Variants in IL1RAPL2 observed in about 807,000 individuals in gnomAD.
IL1RAPL2 encodes interleukin 1 receptor accessory protein like 2, also known as X-linked interleukin-1 receptor accessory protein-like 2.
In IL1RAPL2, 3 loss-of-function variants were observed where a neutral mutation model predicts 44.1. The observed-to-expected ratio is 0.07, with a 90% CI of 0.03 to 0.18. The LOEUF is 0.18. Ranked by LOEUF, IL1RAPL2 falls within the 10% of genes least tolerant of loss-of-function variation. The pLI is 1.00. For missense variants in IL1RAPL2, 391 were observed against 496.4 expected (o/e 0.79, Z 2.02); for synonymous variants, 181 against 178.8 (o/e 1.01, Z -0.10).
intron 1 of IL1RAPL2, among the ~76,000 whole-genome samples, chrX:104,615,993 T>C (rs147748574): frequency 0.011 from 1,271 of 112,453 alleles, 6 homozygotes; most frequent in Non-Finnish European, 0.018. Context: ...GTTGAGCTTT[T>C]TTTCATATGT....
intron 2 of IL1RAPL2, among the ~76,000 whole-genome samples, chrX:104,938,492 T>C (rs1369542842): frequency 8.9e-6 from 1 of 111,739 alleles, no homozygotes; most frequent in African/African-American, 3.2e-5. Context: ...AATGTACAAA[T>C]ATCTTCAATA....
At chrX:104,650,025 A>G (rs947560834) in intron 1 of IL1RAPL2, among the ~76,000 whole-genome samples, 3 of 111,851 alleles carry the variant, frequency 2.7e-5, no homozygotes, top group Non-Finnish European at 5.7e-5. Context: ...TGATACTCCA[A>G]TGAGAGGAAT....
intron 2 of IL1RAPL2, among the ~76,000 whole-genome samples, chrX:105,006,811 C>A (rs2147738856): frequency 9.0e-6 from 1 of 111,478 alleles, no homozygotes; most frequent in South Asian, 3.7e-4. Context: ...TTACCATCAT[C>A]TCTACCACCA....
At chrX:105,042,200 T>C (rs1602915579) in intron 2 of IL1RAPL2, among the ~76,000 whole-genome samples, 1 of 109,702 alleles carries the variant, frequency 9.1e-6, no homozygotes, top group Admixed American at 9.7e-5. Context: ...CCAAAAGCAA[T>C]GGCAACAAAA....
rs954492714 is a variant in IL1RAPL2, at chrX:105,090,291, C to T, written c.83-105184C>T. 6.3e-5 allele frequency among the ~76,000 whole-genome samples: 7 copies of T among 111,515 alleles called. No individual in the cohort carries two copies. The Admixed American group carries it at 6.7e-4, about 11-fold the overall frequency. ...CCCACAGTCACTGCTCTGTAGAACC[C>T]ACATATATGAAAAGTTGGCCCTCTG... On this transcript the variant is annotated intron_variant, in intron 2 of 10. Transcript: ENST00000372582.
intron 6 of IL1RAPL2, among the ~76,000 whole-genome samples, chrX:105,521,159 T>A (rs182148747): frequency 0.012 from 1,282 of 103,811 alleles, 19 homozygotes; most frequent in African/African-American, 0.043. Flanking sequence ...TGAACCAGGA[T>A]GGTCACGATC....
intron 6 of IL1RAPL2, among the ~76,000 whole-genome samples, chrX:105,574,455 C>T (rs2037036606): frequency 9.0e-6 from 1 of 111,590 alleles, no homozygotes; most frequent in Non-Finnish European, 1.9e-5. Context: ...TCTTTAGTCT[C>T]TCAGGTCACT....
chrX:105,000,263 A>G (rs1313394721), intron 2 of IL1RAPL2, among the ~76,000 whole-genome samples: 1 of 112,225 alleles, frequency 8.9e-6, no homozygotes, highest in Non-Finnish European at 1.9e-5. Flanking sequence ...TGTTACTACT[A>G]TGGAATTGTA....
Position 105,767,248 on chromosome X carries a change from A to G in IL1RAPL2, c.1648A>G (p.Lys550Glu). Residue 550 changes from lysine to glutamate, a missense_variant, in exon 11 of 11, where the codon AAG becomes GAG. Around this residue, in one of 2 missense-constraint regions of IL1RAPL2, gnomAD observed 232 missense variants for 244.8 expected, o/e 0.95. Transcript: ENST00000372582. ...KSSKLNSKFW[K>E]HLVYEMPIKK... ...CAGCAAATTAAATTCTAAGTTTTGG[A>G]AGCACTTAGTATATGAAATGCCCAT... 1 of 1,211,865 alleles carries G rather than the reference A, an allele frequency of 8.3e-7. No homozygotes were observed. The highest frequency in any genetic ancestry group is 1.1e-6 in the Non-Finnish European group (1 of 895,415).
chrX:104,610,138 A>G lies in IL1RAPL2; in HGVS notation c.-20+43087A>G, dbSNP rs753769508. Among the ~76,000 whole-genome samples, 163 of 110,658 alleles carry G rather than the reference A, an allele frequency of 1.5e-3. 1 individual carries two copies. The highest frequency in any genetic ancestry group is 5.1e-3 in the African/African-American group (155 of 30,344). On this transcript the variant is annotated intron_variant, in intron 1 of 10. Coordinates refer to ENST00000372582, the MANE Select transcript of IL1RAPL2 (RefSeq NM_017416.2). ...GTATTGATGGGACGTATCTCAAAAT[A>G]ATAAGAGCTATCTATGACAAACCCA...
chrX:105,025,387 T>G (rs897428041), intron 2 of IL1RAPL2, among the ~76,000 whole-genome samples: 4 of 111,645 alleles, frequency 3.6e-5, no homozygotes, highest in African/African-American at 1.3e-4. Context: ...ATAATTAGAC[T>G]GCTATACTCT....
chrX:104,818,288 G>A (rs1161046515), intron 2 of IL1RAPL2, among the ~76,000 whole-genome samples: 1 of 98,745 alleles, frequency 1.0e-5, no homozygotes, highest in African/African-American at 3.8e-5. Flanking sequence ...AGCTTGCAGT[G>A]AGCCAAGATC....
chrX:105,309,787 C>A (rs1337176592), intron 5 of IL1RAPL2, among the ~76,000 whole-genome samples: 1 of 110,489 alleles, frequency 9.1e-6, no homozygotes, highest in Non-Finnish European at 1.9e-5. Context: ...TATTGGATTG[C>A]AAGAAATCTA....
At chrX:105,018,736 A>C (rs946563322) in intron 2 of IL1RAPL2, among the ~76,000 whole-genome samples, 1 of 111,655 alleles carries the variant, frequency 9.0e-6, no homozygotes, top group Admixed American at 9.6e-5. Flanking sequence ...AGTCCATTAG[A>C]TATTTCAAGC....
At chrX:104,608,848 C>T (rs1456694883) in intron 1 of IL1RAPL2, among the ~76,000 whole-genome samples, 1 of 110,768 alleles carries the variant, frequency 9.0e-6, no homozygotes, top group Non-Finnish European at 1.9e-5. Context: ...AGCCCATTTA[C>T]ATTTAAGGTT....
intron 2 of IL1RAPL2, among the ~76,000 whole-genome samples, chrX:105,062,634 T>A (rs2032089432): frequency 9.0e-6 from 1 of 111,622 alleles, no homozygotes; most frequent in Non-Finnish European, 1.9e-5. Context: ...ATTAATAAAA[T>A]CTCTCAGCTT....
intron 2 of IL1RAPL2, among the ~76,000 whole-genome samples, chrX:104,676,847 A>G (rs922577775): frequency 6.3e-5 from 7 of 110,796 alleles, no homozygotes; most frequent in East Asian, 5.7e-4. Flanking sequence ...CATTTCATTC[A>G]TTTTATCTTC....
intron 2 of IL1RAPL2, among the ~76,000 whole-genome samples, chrX:104,762,128 G>T (rs1932471129): frequency 9.2e-6 from 1 of 108,882 alleles, no homozygotes; most frequent in East Asian, 2.9e-4. Flanking sequence ...CTCCCAAGTA[G>T]CTGGGATTAC....
At chrX:105,014,229 GTGA>G (rs2031124553) in intron 2 of IL1RAPL2, among the ~76,000 whole-genome samples, 2 of 111,573 alleles carry the variant, frequency 1.8e-5, no homozygotes, top group African/African-American at 6.5e-5. Flanking sequence ...TGGAGTACAT[GTGA>G]TGTTTTGTGG....
Sources: gnomAD v4.1 joint callset for allele counts (sites outside exome capture counted in the v4.1 genomes callset) on GRCh38, gnomAD v4.1.1 for gene constraint, gnomAD v4.1.1 regional missense constraint, MANE v1.5 for transcripts, NCBI Gene and HGNC (gene_info 2026-07-23, HGNC 2026-07-21) for gene names.